The following TNKS1BP1 variants were observed in gnomAD, a reference collection of about 807,000 sequenced individuals.
The protein encoded by TNKS1BP1 is CCR4-NOT transcription complex subunit 12, also known as 182 kDa tankyrase-1-binding protein.
TNKS1BP1 carries 48 observed loss-of-function variants against 141.1 expected under a neutral mutation model. The ratio of observed to expected loss-of-function variants is 0.34; its 90% CI spans 0.27 to 0.43. TNKS1BP1 has a LOEUF of 0.43. TNKS1BP1 is among the 20% of genes least tolerant of loss of function. The pLI is 1.00. For synonymous variants in TNKS1BP1, 875 were observed against 898.2 expected (o/e 0.97, Z 0.46); for missense variants, 2,149 against 2,226.0 (o/e 0.97, Z 0.70).
At chr11:57,318,980 T>C (rs1031594394) in intron 3 of TNKS1BP1, among the ~76,000 whole-genome samples, 1 of 151,734 alleles carries the variant, frequency 6.6e-6, no homozygotes, top group African/African-American at 2.4e-5. Context: ...CCATCTCTAC[T>C]AAAAATACAA....
In TNKS1BP1 at chr11:57,310,213, G is replaced by C. The variant is rs920860161; in HGVS notation, c.2498C>G (p.Thr833Ser). The change falls in exon 6 of 12, where the codon ACT (threonine) becomes AGT (serine). Residue 833 changes from threonine to serine, a missense_variant. Thr to Ser is a moderately conservative substitution (Grantham distance 58). Coordinates refer to ENST00000358252, the MANE Select transcript of TNKS1BP1 (RefSeq NM_033396.3). ...RVVGKPAQLG[T>S]QRSQEADVQD... ...AACATCTGCCTCCTGGCTCCGCTGA[G>C]TGCCAAGCTGGGCTGGCTTTCCAAC... 6.2e-7 allele frequency: 1 copy of C among 1,614,186 alleles called. No homozygotes were observed. The highest frequency in any genetic ancestry group is 1.7e-5 in the Admixed American group (1 of 60,024).
intron 3 of TNKS1BP1, among the ~76,000 whole-genome samples, chr11:57,319,716 G>A (rs186412686): frequency 4.1e-5 from 6 of 144,656 alleles, no homozygotes; most frequent in East Asian, 2.1e-4. Flanking sequence ...GCAGTGAGCC[G>A]AGATCGCACC....
chr11:57,303,464 C>CCGAA (rs1300245025), intron 6 of TNKS1BP1: 3 of 152,696 alleles, frequency 2.0e-5, no homozygotes, highest in African/African-American at 7.2e-5. Context: ...AATTCTGCTT[C>CCGAA]CGAAGCTGCC....
chr11:57,322,753 G>A (rs765992570), intron 1 of TNKS1BP1, among the ~76,000 whole-genome samples: 2 of 152,148 alleles, frequency 1.3e-5, no homozygotes, highest in African/African-American at 4.8e-5. Context: ...GAGAACATCC[G>A]GGGGGTGGAG....
chr11:57,312,369 C>T (rs942979138), intron 5 of TNKS1BP1, among the ~76,000 whole-genome samples, 165 bp downstream of exon 5: 1 of 152,138 alleles, frequency 6.6e-6, no homozygotes, highest in African/African-American at 2.4e-5. Flanking sequence ...ACACACACAC[C>T]GTCCTGTGTG....
chr11:57,310,119 G>A lies in TNKS1BP1; in HGVS notation c.2592C>T (p.Asp864=), dbSNP rs775865916. The A allele has an allele frequency of 2.5e-6, 4 of 1,613,910 alleles. No homozygotes were observed. The highest frequency in any genetic ancestry group is 1.7e-5 in the Admixed American group (1 of 59,992). The change falls in exon 6 of 12, where the codon GAC becomes GAT. Residue 864 remains aspartate (D), a synonymous_variant. Transcript: ENST00000358252. ...TYSSRDAELQ[D]QEFGKRDSLG... ...GTGAATCTCTCTTTCCGAATTCCTG[G>A]TCCTGGAGTTCTGCATCCCGGCTGG...
At chr11:57,313,913 A>G (rs746281975) in intron 4 of TNKS1BP1, 24 bp from the exon 5 acceptor site, 2 of 1,475,502 alleles carry the variant, frequency 1.4e-6, no homozygotes, top group East Asian at 4.8e-5. Flanking sequence ...AAAGGTCAAG[A>G]TCCGTCACTC....
Position 57,320,237 on chromosome 11 carries a change from G to C in TNKS1BP1, c.570C>G (p.Asn190Lys), listed in dbSNP as rs1855863239. ...DRLWGSRLTFNHDGSSRYGPR... is the reference protein window; with the variant it reads ...DRLWGSRLTFKHDGSSRYGPR... ...GGCCATATCGCGAGCTGCCATCGTG[G>C]TTAAAGGTGAGGCGGGAACCCCACA... Residue 190 changes from asparagine to lysine, a missense_variant, in exon 3 of 12, where the codon AAC becomes AAG. Physicochemically the swap from Asn to Lys is moderately conservative, Grantham distance 94. Transcript: ENST00000358252. 1 of 1,614,100 alleles carries C rather than the reference G, an allele frequency of 6.2e-7. No homozygotes were observed. Among genetic ancestry groups the C allele is most frequent in the Non-Finnish European group, 8.5e-7 (1 of 1,180,054 alleles).
Position 57,320,339 on chromosome 11 carries a change from G to T in TNKS1BP1, c.468C>A (p.Phe156Leu), listed in dbSNP as rs546086969. 1.2e-6 allele frequency: 2 copies of T among 1,614,068 alleles called. No homozygotes were observed. The highest frequency in any genetic ancestry group is 1.7e-6 in the Non-Finnish European group (2 of 1,180,050). The change falls in exon 3 of 12, where the codon TTC (phenylalanine) becomes TTA (leucine). Residue 156 changes from phenylalanine to leucine, a missense_variant. Coordinates refer to ENST00000358252, the MANE Select transcript of TNKS1BP1 (RefSeq NM_033396.3). Reference sequence around the variant, plus strand: ...GGATCTCTTCCACCGTGGTGGCCGCGAAGCGCTCTGAGGCTGGGCGGAAAG... The same window carrying T: ...GGATCTCTTCCACCGTGGTGGCCGCTAAGCGCTCTGAGGCTGGGCGGAAAG... ...PAPFRPASER[F>L]AATTVEEILA... is the part of the protein sequence containing the mutation.
In TNKS1BP1 at chr11:57,308,905, A is replaced by T. The variant is rs775537664; in HGVS notation, c.3806T>A (p.Leu1269His). The change falls in exon 6 of 12, where the codon CTT (leucine) becomes CAT (histidine). Residue 1269 changes from leucine to histidine, a missense_variant. Leu to His is a moderately conservative substitution (Grantham distance 99, BLOSUM62 -3). Coordinates refer to ENST00000358252, the MANE Select transcript of TNKS1BP1 (RefSeq NM_033396.3). ...DWSGVEAGEF[L>H]KSRERGVGQA... is the part of the protein sequence containing the mutation. The stretch of plus-strand genomic sequence containing the variant: ...TCCAACTCCACGCTCCCTTGATTTA[A>T]GGAACTCTCCGGCCTCCACACCTGA... 8 of 1,613,822 alleles carry T rather than the reference A, an allele frequency of 5.0e-6. No homozygotes were observed. Among genetic ancestry groups the T allele is most frequent in the African/African-American group, 4.0e-5 (3 of 74,898 alleles).
chr11:57,314,073 C>A (rs1397073487), intron 4 of TNKS1BP1, among the ~76,000 whole-genome samples, 184 bp from the exon 5 acceptor site: 4 of 152,130 alleles, frequency 2.6e-5, no homozygotes. Context: ...CAGGACTTCT[C>A]ACAGAGCCCC....
In TNKS1BP1 at chr11:57,302,483, G is replaced by C; in HGVS notation, c.4659C>G (p.Pro1553=). The C allele has an allele frequency of 6.2e-7, 1 of 1,604,526 alleles. No homozygotes were observed. Among genetic ancestry groups the C allele is most frequent in the African/African-American group, 1.3e-5 (1 of 74,876 alleles). ...CCTCAATGAAGGAGAAGTCCTGACT[G>C]GGGGATCTGGCAGGAGGGCCTTGGG... is the stretch of plus-strand genomic sequence containing the variant. The part of the protein sequence containing the change: ...RPSQGPPARS[P]SQDFSFIEDT... Residue 1553 remains proline (P), a synonymous_variant, in exon 7 of 12, where the codon CCC becomes CCG. Coordinates refer to ENST00000358252, the MANE Select transcript of TNKS1BP1 (RefSeq NM_033396.3). The surrounding 1 kb of genome is among the most constrained non-coding windows in gnomAD (Gnocchi z 5.5).
At chr11:57,321,744 T>TGGCGCCC in intron 2 of TNKS1BP1, 48 bp downstream of exon 2, 1 of 1,039,822 alleles carries the variant, frequency 9.6e-7, no homozygotes, top group Non-Finnish European at 1.5e-6. Flanking sequence ...CCTCTGTCCT[T>TGGCGCCC]CCCACCCCCC....
chr11:57,317,807 G>A lies in TNKS1BP1; in HGVS notation c.798+11C>T, dbSNP rs767074660. ...TACGTGATTCTGATTCATAACTGGA[G>A]GATAACTCACATCAGCAGGTAGCTC... On this transcript the variant is annotated intron_variant, in intron 4 of 11. Coordinates refer to ENST00000358252, the MANE Select transcript of TNKS1BP1 (RefSeq NM_033396.3). The A allele has an allele frequency of 2.0e-5, 32 of 1,612,722 alleles. No homozygotes were observed. The highest frequency in any genetic ancestry group is 2.6e-5 in the Non-Finnish European group (31 of 1,178,918).
In TNKS1BP1 at chr11:57,313,294, C is replaced by T. The variant is rs1855744241; in HGVS notation, c.1394G>A (p.Gly465Glu). The T allele has an allele frequency of 1.2e-6, 2 of 1,613,022 alleles. No individual in the cohort carries two copies. The highest frequency in any genetic ancestry group is 1.6e-4 in the Middle Eastern group (1 of 6,062). The change falls in exon 5 of 12, where the codon GGG becomes GAG. Residue 465 changes from glycine (G) to glutamate (E), a missense_variant. Coordinates refer to ENST00000358252, the MANE Select transcript of TNKS1BP1 (RefSeq NM_033396.3). ...GSQLALDRPF[G>E]AESNWSLSQS... ...TGATAAGCTCCAGTTGGACTCTGCC[C>T]CAAAGGGACGATCCAGGGCCAACTG...
At chr11:57,304,872 C>CCAA (rs1855584130) in intron 6 of TNKS1BP1, among the ~76,000 whole-genome samples, 1 of 72,746 alleles carries the variant, frequency 1.4e-5, no homozygotes, top group African/African-American at 6.3e-5. Context: ...AACTCCGTCT[C>CCAA]AAAAAAAAAA....
chr11:57,315,614 A>G (rs889231186), intron 4 of TNKS1BP1, among the ~76,000 whole-genome samples: 2 of 150,616 alleles, frequency 1.3e-5, no homozygotes, highest in African/African-American at 2.4e-5. Flanking sequence ...CATTCACTCC[A>G]TGACTCTCCC....
Position 57,302,499 on chromosome 11 carries a change from G to A in TNKS1BP1, c.4643C>T (p.Pro1548Leu). ...AQTSRRPSQG[P>L]PARSPSQDFS... The stretch of plus-strand genomic sequence containing the variant: ...GTCCTGACTGGGGGATCTGGCAGGA[G>A]GGCCTTGGGAGGGTCGCCGAGAAGT... Residue 1548 changes from proline (P) to leucine (L), a missense_variant, in exon 7 of 12, where the codon CCT (proline) becomes CTT (leucine). Coordinates refer to ENST00000358252, the MANE Select transcript of TNKS1BP1 (RefSeq NM_033396.3). This position sits in a 1 kb window ranked among gnomAD's most constrained non-coding sequence, Gnocchi z 5.5. 1.9e-6 allele frequency: 3 copies of A among 1,608,270 alleles called. No individual in the cohort carries two copies. Among genetic ancestry groups the A allele is most frequent in the South Asian group, 1.1e-5 (1 of 90,498 alleles).
At position 57,310,532 on chromosome 11, in the gene TNKS1BP1, C is replaced by A; in HGVS notation, c.2179G>T (p.Asp727Tyr). Residue 727 changes from aspartate (D) to tyrosine (Y), a missense_variant, in exon 6 of 12, where the codon GAT becomes TAT. Asp to Tyr is a radical substitution (Grantham distance 160, BLOSUM62 -3). Coordinates refer to ENST00000358252, the MANE Select transcript of TNKS1BP1 (RefSeq NM_033396.3). Reference sequence around the variant, plus strand: ...GTGATCCCAAATTCACTCTGCAGATCTTTCTGGGACCAGCCAAGGAGTCCC... The same window carrying A: ...GTGATCCCAAATTCACTCTGCAGATATTTCTGGGACCAGCCAAGGAGTCCC... ...SEGLLGWSQK[D>Y]LQSEFGITGD... 1 of 1,604,098 alleles carries A rather than the reference C, an allele frequency of 6.2e-7. No homozygotes were observed. The highest frequency in any genetic ancestry group is 8.5e-7 in the Non-Finnish European group (1 of 1,179,532).
Sources: allele counts gnomAD v4.1 joint callset (sites outside exome capture counted in the v4.1 genomes callset), GRCh38; gene constraint gnomAD v4.1.1; non-coding constraint Gnocchi (gnomAD v3.1); transcripts MANE v1.5; gene names NCBI Gene and HGNC (gene_info 2026-07-23, HGNC 2026-07-21).